The following SRBD1 variants were observed in gnomAD, a reference collection of about 807,000 sequenced individuals.
SRBD1 encodes S1 RNA binding domain 1, also known as S1 RNA-binding domain-containing protein 1.
SRBD1 carries 88 observed loss-of-function variants against 115.3 expected under a neutral mutation model. That is an observed-to-expected ratio of 0.76 (90% CI 0.64 to 0.91). The LOEUF is 0.91. Among genes scored for constraint, SRBD1 ranks in the 40% least tolerant of loss-of-function variants. The pLI is 0.00. For synonymous variants in SRBD1, 509 were observed against 407.7 expected, an observed-to-expected ratio of 1.25 and a Z score of -2.99; for missense variants, 1,385 against 1,177.4, an observed-to-expected ratio of 1.18 and a Z score of -2.58.
chr2:45,405,862 A>T (rs999701575), intron 19 of SRBD1, among the ~76,000 whole-genome samples: 1 of 152,266 alleles, frequency 6.6e-6, no homozygotes, highest in East Asian at 1.9e-4. Flanking sequence ...TTAGAGGCAG[A>T]TAGTTCTGAG....
chr2:45,571,773 A>G (rs1030233802), intron 9 of SRBD1, among the ~76,000 whole-genome samples: 1 of 152,074 alleles, frequency 6.6e-6, no homozygotes, highest in Admixed American at 6.6e-5. Context: ...GGGGTTCAAC[A>G]GCAAATTTGA....
chr2:45,571,675 T>C (rs1037369602), intron 9 of SRBD1, among the ~76,000 whole-genome samples: 4 of 151,662 alleles, frequency 2.6e-5, no homozygotes, highest in Non-Finnish European at 5.9e-5. Flanking sequence ...TTCAACCATA[T>C]AGAAAAGTAA....
intron 16 of SRBD1, among the ~76,000 whole-genome samples, chr2:45,470,661 C>G (rs1669621106): frequency 6.6e-6 from 1 of 152,096 alleles, no homozygotes; most frequent in Admixed American, 6.6e-5. Context: ...CAAGCTAAAC[C>G]ACCATTCCCC....
chr2:45,536,613 G>T (rs1671772174), intron 14 of SRBD1, among the ~76,000 whole-genome samples: 1 of 152,102 alleles, frequency 6.6e-6, no homozygotes, highest in African/African-American at 2.4e-5. Flanking sequence ...TTTTAATTGA[G>T]ATTGGGAAAA....
chr2:45,526,838 G>C (rs373787020), intron 14 of SRBD1, among the ~76,000 whole-genome samples: 26 of 151,798 alleles, frequency 1.7e-4, no homozygotes, highest in African/African-American at 6.3e-4. Context: ...TTCATGTAAA[G>C]GAAACATGCA....
At chr2:45,442,703 G>A (rs556044261) in intron 16 of SRBD1, among the ~76,000 whole-genome samples, 16 of 152,248 alleles carry the variant, frequency 1.1e-4, no homozygotes, top group African/African-American at 3.9e-4. Context: ...TATTCTATTG[G>A]AGTAAATCTC....
intron 14 of SRBD1, among the ~76,000 whole-genome samples, chr2:45,508,798 AGAT>A (rs1670873850): frequency 6.6e-6 from 1 of 152,230 alleles, no homozygotes. Context: ...GAATTGCTAA[AGAT>A]AATAAATGAT....
chr2:45,542,917 T>C (rs182674908), intron 14 of SRBD1, among the ~76,000 whole-genome samples: 76 of 152,268 alleles, frequency 5.0e-4, no homozygotes, highest in African/African-American at 1.8e-3. Flanking sequence ...CTCAAAATAA[T>C]CATGCTCCAT....
chr2:45,590,206 T>C (rs1319526769), intron 4 of SRBD1, among the ~76,000 whole-genome samples: 1 of 152,252 alleles, frequency 6.6e-6, no homozygotes, highest in Non-Finnish European at 1.5e-5. Context: ...AGATCTGACC[T>C]AACCAATTCC....
At chr2:45,558,009 T>C (rs569959079) in intron 10 of SRBD1, among the ~76,000 whole-genome samples, 40 of 152,334 alleles carry the variant, frequency 2.6e-4, no homozygotes, top group African/African-American at 8.9e-4. Context: ...ACTTCATATA[T>C]ATAAGATAAA....
At chr2:45,460,113 T>C (rs1669269027) in intron 16 of SRBD1, among the ~76,000 whole-genome samples, 1 of 152,130 alleles carries the variant, frequency 6.6e-6, no homozygotes, top group African/African-American at 2.4e-5. Context: ...AGAAAACACG[T>C]CCTGGCTCAC....
intron 19 of SRBD1, among the ~76,000 whole-genome samples, chr2:45,410,077 A>G (rs1386938562): frequency 2.6e-5 from 4 of 152,232 alleles, no homozygotes; most frequent in African/African-American, 7.2e-5. Flanking sequence ...AAATAATTCA[A>G]TTAGAAAATG....
intron 4 of SRBD1, among the ~76,000 whole-genome samples, chr2:45,592,396 G>A (rs1431382051): frequency 1.3e-5 from 2 of 152,088 alleles, no homozygotes; most frequent in African/African-American, 4.8e-5. Context: ...CCACTCTAAG[G>A]GAAGAATCAC....
intron 16 of SRBD1, among the ~76,000 whole-genome samples, chr2:45,428,487 C>G (rs899266890): frequency 1.3e-5 from 2 of 151,966 alleles, no homozygotes; most frequent in Non-Finnish European, 2.9e-5. Flanking sequence ...GGAGGCGGAG[C>G]TTGCAGTGAG....
At chr2:45,428,788 T>A (rs997017308) in intron 16 of SRBD1, among the ~76,000 whole-genome samples, 1 of 151,908 alleles carries the variant, frequency 6.6e-6, no homozygotes, top group Non-Finnish European at 1.5e-5. Flanking sequence ...ATTCAAAAGC[T>A]AGCAGAAGAC....
intron 19 of SRBD1, among the ~76,000 whole-genome samples, chr2:45,410,208 C>G (rs994675821): frequency 3.3e-5 from 5 of 152,144 alleles, no homozygotes; most frequent in Admixed American, 2.6e-4. Context: ...TTTCCACACA[C>G]ATTAGAATGG....
At chr2:45,573,114 T>G (rs190079459) in intron 9 of SRBD1, 93 bp downstream of exon 9, 25 of 1,319,538 alleles carry the variant, frequency 1.9e-5, no homozygotes, top group Non-Finnish European at 2.5e-5. Context: ...ACAGTTGACA[T>G]AAAATTATTT....
chr2:45,558,669 T>C (rs1310688930), intron 10 of SRBD1, among the ~76,000 whole-genome samples: 1 of 151,652 alleles, frequency 6.6e-6, no homozygotes, highest in Non-Finnish European at 1.5e-5. Context: ...TACCTTATTG[T>C]TCAAGCCACA....
At chr2:45,475,826 G>A (rs1572681865) in intron 16 of SRBD1, among the ~76,000 whole-genome samples, 1 of 152,112 alleles carries the variant, frequency 6.6e-6, no homozygotes. Flanking sequence ...AGCCTTCCAC[G>A]TAGTTGGGAC....
Sources: gnomAD v4.1 joint callset for allele counts (sites outside exome capture counted in the v4.1 genomes callset) on GRCh38, gnomAD v4.1.1 for gene constraint, MANE v1.5 for transcripts, NCBI Gene and HGNC (gene_info 2026-07-23, HGNC 2026-07-21) for gene names.